Variants in GDPD4 observed in about 807,000 individuals in gnomAD.
The protein encoded by GDPD4 is glycerophosphodiester phosphodiesterase 6.
Under a neutral mutation model 67.8 loss-of-function variants are expected in GDPD4, and 60 were observed. The ratio of observed to expected loss-of-function variants is 0.88; its 90% CI spans 0.72 to 1.10. The LOEUF is 1.10. Ranked by LOEUF, GDPD4 falls within the 50% of genes least tolerant of loss-of-function variation. GDPD4 has a pLI of 0.00. For synonymous variants in GDPD4, 212 were observed against 210.9 expected, an observed-to-expected ratio of 1.00 and a Z score of -0.04; for missense variants, 623 against 613.9, an observed-to-expected ratio of 1.01 and a Z score of -0.16.
chr11:77,229,948 C>T, intron 14 of GDPD4, among the ~76,000 whole-genome samples: 1 of 152,150 alleles, frequency 6.6e-6, no homozygotes, highest in East Asian at 1.9e-4. Context: ...GCTAATAGGG[C>T]TGGCACATTT....
At chr11:77,217,360 C>G in intron 16 of GDPD4, 46 bp from the exon 17 acceptor site, 1 of 1,430,438 alleles carries the variant, frequency 7.0e-7, no homozygotes, top group Non-Finnish European at 9.9e-7. Context: ...CACTTCTCCA[C>G]TCTCTGTCAG....
chr11:77,241,399 G>C (rs902859739), intron 13 of GDPD4, among the ~76,000 whole-genome samples: 1 of 152,002 alleles, frequency 6.6e-6, no homozygotes, highest in Non-Finnish European at 1.5e-5. Context: ...AGTGGGGTAC[G>C]GTGGCTCACA....
chr11:77,263,323 A>G (rs768409540), intron 10 of GDPD4, among the ~76,000 whole-genome samples: 19 of 152,336 alleles, frequency 1.2e-4, no homozygotes, highest in Non-Finnish European at 2.1e-4. Flanking sequence ...TCATACTATG[A>G]GAGAGATGAA....
chr11:77,273,926 G>A (rs1241616317), intron 5 of GDPD4, among the ~76,000 whole-genome samples: 1 of 152,198 alleles, frequency 6.6e-6, no homozygotes, highest in Non-Finnish European at 1.5e-5. Context: ...TGGCCATCCT[G>A]TATGCCTGAA....
chr11:77,257,786 C>A (rs929856571), intron 11 of GDPD4, among the ~76,000 whole-genome samples: 1 of 152,138 alleles, frequency 6.6e-6, no homozygotes, highest in Non-Finnish European at 1.5e-5. Context: ...TGTACCACAT[C>A]CATTATTAGT....
chr11:77,224,986 C>T (rs1958299730), intron 16 of GDPD4, among the ~76,000 whole-genome samples: 1 of 150,900 alleles, frequency 6.6e-6, no homozygotes, highest in East Asian at 2.0e-4. Flanking sequence ...TGCCTGTGGT[C>T]CCAGATACTA....
intron 3 of GDPD4, among the ~76,000 whole-genome samples, chr11:77,281,797 C>T (rs1336133715): frequency 6.6e-6 from 1 of 152,026 alleles, no homozygotes; most frequent in African/African-American, 2.4e-5. Flanking sequence ...AGCTTTGAAG[C>T]ATCTAAATGT....
chr11:77,286,057 C>T (rs1565543902), intron 2 of GDPD4, among the ~76,000 whole-genome samples: 1 of 152,200 alleles, frequency 6.6e-6, no homozygotes, highest in African/African-American at 2.4e-5. Context: ...CTTAAAACCA[C>T]ACAACATTGG....
chr11:77,260,541 A>G (rs1414275185), intron 10 of GDPD4, among the ~76,000 whole-genome samples: 2 of 152,212 alleles, frequency 1.3e-5, no homozygotes, highest in African/African-American at 4.8e-5. Context: ...CTAGAGATAT[A>G]AACAAGCAGG....
rs1958524952 is a variant in GDPD4 at position 77,235,009 on chromosome 11, G to GTTTTTTGTTTTTTT, written c.1242-1838_1242-1837insAAAAAAACAAAAAA. 1.0e-3 allele frequency among the ~76,000 whole-genome samples: 54 copies of GTTTTTTGTTTTTTT among 52,252 alleles called. 3 individuals carry two copies. Among genetic ancestry groups the GTTTTTTGTTTTTTT allele is most frequent in the African/African-American group, 3.3e-3 (52 of 15,826 alleles). 34.3% of individuals were successfully genotyped at this position (52,252 alleles called of 152,430 possible). A position where few individuals can be genotyped will look rare whatever the true frequency, so the allele number is the denominator to read the frequency against. ...TCTCTCTGCAACCTTGTCAATATCT[G>GTTTTTTGTTTTTTT]TTTTTTTTTTTTTTTTTTTTTTTTT... On this transcript the variant is annotated intron_variant, in intron 13 of 16. Coordinates refer to ENST00000315938, the MANE Select transcript of GDPD4 (RefSeq NM_182833.3).
intron 13 of GDPD4, among the ~76,000 whole-genome samples, chr11:77,235,656 T>C (rs1276438586): frequency 6.6e-6 from 1 of 152,152 alleles, no homozygotes; most frequent in Admixed American, 6.5e-5. Flanking sequence ...AATCCAAAGA[T>C]GTAAAAATTC....
chr11:77,255,582 T>C (rs1958987874), intron 11 of GDPD4, among the ~76,000 whole-genome samples: 1 of 151,810 alleles, frequency 6.6e-6, no homozygotes, highest in African/African-American at 2.4e-5. Flanking sequence ...AAAATAAGGC[T>C]GGGTGCGGTG....
chr11:77,248,392 AG>A (rs1958822181), intron 11 of GDPD4, among the ~76,000 whole-genome samples: 1 of 151,768 alleles, frequency 6.6e-6, no homozygotes, highest in African/African-American at 2.4e-5. Context: ...TACTAGAGAC[AG>A]GGTTTCACCA....
chr11:77,256,685 G>C (rs919267995), intron 11 of GDPD4, among the ~76,000 whole-genome samples: 1 of 152,098 alleles, frequency 6.6e-6, no homozygotes, highest in African/African-American at 2.4e-5. Flanking sequence ...TTAGTAATGA[G>C]TGAATTCTCA....
chr11:77,254,584 AT>A (rs1958968381), intron 11 of GDPD4, among the ~76,000 whole-genome samples: 1 of 152,118 alleles, frequency 6.6e-6, no homozygotes. Flanking sequence ...CATTAATGTG[AT>A]AAATAAAACT....
chr11:77,227,830 A>C, intron 16 of GDPD4, 34 bp downstream of exon 16: 1 of 1,532,184 alleles, frequency 6.5e-7, no homozygotes, highest in Non-Finnish European at 9.0e-7. Context: ...GGTAGGGATG[A>C]AGAGACAGGA....
At chr11:77,232,960 AGGGCTGGGGG>A in intron 14 of GDPD4, 55 bp downstream of exon 14, 1 of 1,517,512 alleles carries the variant, frequency 6.6e-7, no homozygotes, top group South Asian at 1.2e-5. Context: ...TGGGCAACAC[AGGGCTGGGGG>A]GCCTGCACTG....
chr11:77,224,504 G>A (rs1958288824), intron 16 of GDPD4, among the ~76,000 whole-genome samples: 1 of 151,998 alleles, frequency 6.6e-6, no homozygotes. Context: ...GAAGTAAGCT[G>A]CCATGTTGTG....
At chr11:77,268,867 T>A in intron 9 of GDPD4, 57 bp downstream of exon 9, 1 of 1,558,086 alleles carries the variant, frequency 6.4e-7, no homozygotes, top group Non-Finnish European at 8.7e-7. Flanking sequence ...TTTCTTCTCT[T>A]GACCACATAC....
Sources: allele counts gnomAD v4.1 joint callset (sites outside exome capture counted in the v4.1 genomes callset), GRCh38; gene constraint gnomAD v4.1.1; transcripts MANE v1.5; gene names NCBI Gene and HGNC (gene_info 2026-07-23, HGNC 2026-07-21).